The following TACC2 variants were observed in gnomAD, a reference collection of about 807,000 sequenced individuals.
The protein encoded by TACC2 is transforming acidic coiled-coil containing protein 2.
TACC2 carries 137 observed loss-of-function variants against 227.3 expected under a neutral mutation model. The observed-to-expected ratio is 0.60, with a 90% CI of 0.52 to 0.69. TACC2 has a LOEUF of 0.69. TACC2 is among the 30% of genes least tolerant of loss of function. The pLI is 0.00. For missense variants in TACC2, 3,470 were observed against 3,694.4 expected (o/e 0.94, Z 1.57); for synonymous variants, 1,523 against 1,487.5 (o/e 1.02, Z -0.55).
chr10:122,231,066 T>C (rs1266151864), intron 16 of TACC2, among the ~76,000 whole-genome samples: 4 of 152,222 alleles, frequency 2.6e-5, no homozygotes, highest in Non-Finnish European at 5.9e-5. Context: ...TGTTTGTTTG[T>C]TTTTTTACAA....
At chr10:121,997,840 C>T (rs1182645805) in intron 1 of TACC2, among the ~76,000 whole-genome samples, 2 of 152,134 alleles carry the variant, frequency 1.3e-5, no homozygotes, top group African/African-American at 4.8e-5. Context: ...GAAAACCAAA[C>T]TCACTCTGAT....
chr10:122,138,794 G>A (rs563792557), intron 6 of TACC2, among the ~76,000 whole-genome samples: 5 of 152,344 alleles, frequency 3.3e-5, no homozygotes, highest in African/African-American at 1.2e-4. Flanking sequence ...GTCAGATATT[G>A]AGAATTTCAT....
At chr10:122,076,080 G>T (rs187099366) in intron 3 of TACC2, among the ~76,000 whole-genome samples, 1 of 152,286 alleles carries the variant, frequency 6.6e-6, no homozygotes, top group Admixed American at 6.5e-5. Flanking sequence ...GATTACAGGC[G>T]TGAGCCACTG....
intron 7 of TACC2, among the ~76,000 whole-genome samples, chr10:122,191,469 TG>T (rs1180991967): frequency 2.0e-5 from 3 of 152,182 alleles, no homozygotes; most frequent in Non-Finnish European, 4.4e-5. Flanking sequence ...AGAATTGTCT[TG>T]GGCCACACAT....
intron 7 of TACC2, among the ~76,000 whole-genome samples, chr10:122,148,360 T>C (rs547515542): frequency 6.6e-6 from 1 of 152,344 alleles, no homozygotes; most frequent in African/African-American, 2.4e-5. Context: ...CGCCTCAGCC[T>C]CCCAAAGTGC....
At chr10:122,208,834 C>T (rs1413818298) in intron 8 of TACC2, among the ~76,000 whole-genome samples, 2 of 152,194 alleles carry the variant, frequency 1.3e-5, no homozygotes, top group Non-Finnish European at 2.9e-5. Flanking sequence ...TCTGCATCTC[C>T]CAGTACTTAG....
intron 1 of TACC2, among the ~76,000 whole-genome samples, chr10:121,999,825 C>T (rs1014231392): frequency 2.0e-5 from 3 of 152,214 alleles, no homozygotes; most frequent in East Asian, 1.9e-4. Context: ...CAAGGGCAAT[C>T]GGTCACTCCT....
At chr10:122,128,671 C>G (rs1022167230) in intron 5 of TACC2, among the ~76,000 whole-genome samples, 4 of 152,198 alleles carry the variant, frequency 2.6e-5, no homozygotes, top group Non-Finnish European at 5.9e-5. Flanking sequence ...AAGTTGTTCC[C>G]TGGCACTTAA....
chr10:122,081,152 G>A (rs189659686), intron 3 of TACC2, among the ~76,000 whole-genome samples: 76 of 151,804 alleles, frequency 5.0e-4, no homozygotes, highest in African/African-American at 1.8e-3. Context: ...GCATGTAGCA[G>A]TATTTTTTCT....
In TACC2 at chr10:122,083,041, G is replaced by A. The variant is rs763630843; in HGVS notation, c.541G>A (p.Glu181Lys). Reference sequence around the variant, plus strand: ...TGCTGGAAGAGAGAGACAGCCGAAGGAAGAAGGACAGAAGTCCTCCTTCTC... The same window carrying A: ...TGCTGGAAGAGAGAGACAGCCGAAGAAAGAAGGACAGAAGTCCTCCTTCTC... ...PSAGRERQPK[E>K]EGQKSSFSFS... Residue 181 changes from glutamate (E) to lysine (K), a missense_variant, in exon 4 of 23, where the codon GAA becomes AAA. Physicochemically the swap from Glu to Lys is moderately conservative, Grantham distance 56. Transcript: ENST00000369005. 4 of 1,612,532 alleles carry A rather than the reference G, an allele frequency of 2.5e-6. No homozygotes were observed. The highest frequency in any genetic ancestry group is 1.7e-5 in the Admixed American group (1 of 60,002).
At chr10:122,076,501 C>T (rs543772846) in intron 3 of TACC2, among the ~76,000 whole-genome samples, 3 of 152,162 alleles carry the variant, frequency 2.0e-5, no homozygotes, top group South Asian at 2.1e-4. Flanking sequence ...CGGAATGCAA[C>T]GAGTAGCAGT....
chr10:122,235,275 A>G (rs1367456439), intron 16 of TACC2, among the ~76,000 whole-genome samples: 2 of 152,114 alleles, frequency 1.3e-5, no homozygotes, highest in Non-Finnish European at 2.9e-5. Context: ...TTTAGTAGAG[A>G]CAGGGTTTTG....
intron 3 of TACC2, among the ~76,000 whole-genome samples, chr10:122,068,976 G>T (rs1339903039): frequency 6.6e-6 from 1 of 151,800 alleles, no homozygotes; most frequent in African/African-American, 2.4e-5. Flanking sequence ...GGCATTACAG[G>T]CGTGAGGCAC....
chr10:122,241,855 G>A (rs569796585), intron 18 of TACC2, 103 bp from the exon 19 acceptor site: 4 of 1,079,256 alleles, frequency 3.7e-6, no homozygotes, highest in Admixed American at 1.7e-5. Context: ...GACCCTGGAA[G>A]TTGGGGCCCT....
chr10:122,012,134 C>T (rs1956005612), intron 1 of TACC2, among the ~76,000 whole-genome samples: 1 of 151,882 alleles, frequency 6.6e-6, no homozygotes, highest in African/African-American at 2.4e-5. Context: ...GATGGGGCTT[C>T]ACCCTGGCCG....
chr10:122,059,170 C>T (rs1283000519), intron 3 of TACC2, among the ~76,000 whole-genome samples: 1 of 151,822 alleles, frequency 6.6e-6, no homozygotes, highest in Non-Finnish European at 1.5e-5. Context: ...CCCGCCTCAG[C>T]CTCCCAAAGT....
chr10:122,139,339 C>T (rs746268962), intron 6 of TACC2, among the ~76,000 whole-genome samples: 5 of 152,232 alleles, frequency 3.3e-5, no homozygotes, highest in South Asian at 2.1e-4. Context: ...CACGCTCTCA[C>T]GTGAACTGGC....
chr10:122,110,043 G>A (rs2083400732), intron 5 of TACC2, among the ~76,000 whole-genome samples: 1 of 152,198 alleles, frequency 6.6e-6, no homozygotes, highest in Admixed American at 6.5e-5. Flanking sequence ...TGCTATGGAT[G>A]CCTTTAAGAT....
chr10:122,247,568 T>C (rs2096153458), intron 19 of TACC2: 1 of 152,086 alleles, frequency 6.6e-6, no homozygotes, highest in Non-Finnish European at 1.5e-5. Context: ...TAAGCAGCCA[T>C]AAAAAAAGAA....
Sources: gnomAD v4.1 joint callset for allele counts (sites outside exome capture counted in the v4.1 genomes callset) on GRCh38, gnomAD v4.1.1 for gene constraint, MANE v1.5 for transcripts, NCBI Gene and HGNC (gene_info 2026-07-23, HGNC 2026-07-21) for gene names.